FMN1: variants seen among roughly 807,000 people sequenced by gnomAD.
The protein encoded by FMN1 is formin-1.
FMN1 carries 110 observed loss-of-function variants against 132.4 expected under a neutral mutation model. The observed-to-expected ratio is 0.83, with a 90% CI of 0.71 to 0.97. FMN1 has a LOEUF of 0.97. FMN1 is among the 50% of genes least tolerant of loss of function. The pLI is 0.00. For missense variants in FMN1, 1,792 were observed against 1,705.3 expected, an observed-to-expected ratio of 1.05 and a Z score of -0.90; for synonymous variants, 722 against 651.7, an observed-to-expected ratio of 1.11 and a Z score of -1.64.
At chr15:32,938,477 C>A (rs766063218) in intron 9 of FMN1, among the ~76,000 whole-genome samples, 2 of 152,082 alleles carry the variant, frequency 1.3e-5, no homozygotes, top group Non-Finnish European at 2.9e-5. Flanking sequence ...TGCAGTGAGC[C>A]AAGATCAAGC....
intron 16 of FMN1, among the ~76,000 whole-genome samples, chr15:32,881,087 ATATTTTGT>A (rs2059758470): frequency 2.0e-5 from 2 of 100,370 alleles, no homozygotes; most frequent in Non-Finnish European, 4.6e-5. Flanking sequence ...TATTTTTTGT[ATATTTTGT>A]ATATTAATCA....
At chr15:32,941,709 C>A (rs947411844) in intron 9 of FMN1, among the ~76,000 whole-genome samples, 6 of 152,132 alleles carry the variant, frequency 3.9e-5, no homozygotes, top group Non-Finnish European at 8.8e-5. Flanking sequence ...ATGTTTGGCT[C>A]AAATTCCTCA....
chr15:33,039,603 C>T (rs1596529519), intron 6 of FMN1, among the ~76,000 whole-genome samples: 1 of 152,214 alleles, frequency 6.6e-6, no homozygotes, highest in East Asian at 1.9e-4. Flanking sequence ...CTTTTAAGCC[C>T]TACATCTGCC....
chr15:32,987,126 C>CAG (rs1256285936), intron 7 of FMN1, among the ~76,000 whole-genome samples: 1 of 152,026 alleles, frequency 6.6e-6, no homozygotes, highest in Non-Finnish European at 1.5e-5. Context: ...TGTGAAAAGG[C>CAG]AGAGACAGGA....
At chr15:33,089,855 T>C (rs1050178954) in intron 4 of FMN1, among the ~76,000 whole-genome samples, 1 of 152,224 alleles carries the variant, frequency 6.6e-6, no homozygotes, top group Non-Finnish European at 1.5e-5. Context: ...AAAAGGATTT[T>C]ACGGTCAAGT....
At chr15:32,870,294 C>T (rs2059485936) in intron 16 of FMN1, among the ~76,000 whole-genome samples, 1 of 152,152 alleles carries the variant, frequency 6.6e-6, no homozygotes, top group Non-Finnish European at 1.5e-5. Context: ...AGAGGTCTAG[C>T]CCTTTACAGA....
rs764069682 is a variant in FMN1, at chr15:33,177,537, T to C, written c.-132+2661A>G. On this transcript the variant is annotated intron_variant, in intron 3 of 20. Transcript: ENST00000616417. ...GGCCTTTTGTTCTCCCTACTTACAG[T>C]GCAATTCCATAGTCCCCCCTGCAAA... Among the ~76,000 whole-genome samples, 18 of 152,298 alleles carry C rather than the reference T, an allele frequency of 1.2e-4. No homozygotes were observed. In the South Asian group the frequency reaches 3.5e-3, roughly 30 times the overall value.
At chr15:33,068,385 C>T (rs985827556) in intron 5 of FMN1, among the ~76,000 whole-genome samples, 4 of 152,132 alleles carry the variant, frequency 2.6e-5, no homozygotes, top group Non-Finnish European at 5.9e-5. Context: ...AGCCACTGCC[C>T]AGAGCAGCCT....
At chr15:32,878,996 T>C (rs1057074824) in intron 16 of FMN1, among the ~76,000 whole-genome samples, 1 of 152,160 alleles carries the variant, frequency 6.6e-6, no homozygotes, top group Non-Finnish European at 1.5e-5. Context: ...ACTTCTTCCA[T>C]TAATTAAACG....
intron 17 of FMN1, among the ~76,000 whole-genome samples, chr15:32,821,597 G>A (rs775520841): frequency 2.0e-5 from 3 of 151,440 alleles, no homozygotes; most frequent in African/African-American, 4.9e-5. Flanking sequence ...GACTACAGGC[G>A]CCCGCCACCA....
At chr15:33,127,570 A>T in intron 4 of FMN1, among the ~76,000 whole-genome samples, 1 of 152,252 alleles carries the variant, frequency 6.6e-6, no homozygotes, top group East Asian at 1.9e-4. Context: ...TAAAACAGAA[A>T]CCAGTCTGTA....
chr15:33,130,197 TTGCCC>T (rs1963479534), intron 4 of FMN1, among the ~76,000 whole-genome samples: 2 of 152,228 alleles, frequency 1.3e-5, no homozygotes, highest in African/African-American at 4.8e-5. Flanking sequence ...CCAGTTAAGA[TTGCCC>T]TGCTAGCATT....
At chr15:33,083,088 A>T (rs1288564751) in intron 5 of FMN1, among the ~76,000 whole-genome samples, 1 of 152,128 alleles carries the variant, frequency 6.6e-6, no homozygotes, top group Non-Finnish European at 1.5e-5. Flanking sequence ...TAGCATCTAC[A>T]CCAAAGTACC....
In FMN1 at chr15:33,154,410, A is replaced by T. The variant is rs201093149; in HGVS notation, c.505T>A (p.Phe169Ile). Residue 169 changes from phenylalanine to isoleucine, a missense_variant, in exon 4 of 21, where the codon TTT (phenylalanine) becomes ATT (isoleucine). Physicochemically the swap from Phe to Ile is conservative, Grantham distance 21. Coordinates refer to ENST00000616417, the MANE Select transcript of FMN1 (RefSeq NM_001277313.2). ...GTCCTCTTCTGTGGAAGGGCCCCAA[A>T]GCTCTCTCTCCTTCCACTAGACCTC... ...PRRSSGRRES[F>I]GALPQKRTKR... 1 of 1,535,952 alleles carries T rather than the reference A, an allele frequency of 6.5e-7. No individual in the cohort carries two copies.
intron 4 of FMN1, among the ~76,000 whole-genome samples, chr15:33,128,584 G>C (rs763362573): frequency 1.3e-5 from 2 of 152,182 alleles, no homozygotes; most frequent in Non-Finnish European, 2.9e-5. Flanking sequence ...ATGCGTTCGT[G>C]GTCTAACTTC....
intron 9 of FMN1, among the ~76,000 whole-genome samples, chr15:32,949,970 C>CACATATATATAT (rs1555503145): frequency 4.6e-4 from 4 of 8,734 alleles, no homozygotes; most frequent in Non-Finnish European, 1.0e-3. Flanking sequence ...TATATACACA[C>CACATATATATAT]ATATATATAC....
chr15:32,888,787 GC>G (rs926584227), intron 15 of FMN1, among the ~76,000 whole-genome samples: 1 of 151,738 alleles, frequency 6.6e-6, no homozygotes, highest in African/African-American at 2.4e-5. Flanking sequence ...TTTCTCTGTG[GC>G]TTAAAGCTCT....
rs138652345 is a variant in FMN1, at chr15:32,789,135, A to G, written c.4130+9669T>C. On this transcript the variant is annotated intron_variant, in intron 19 of 20. Transcript: ENST00000616417. ...AATACTAACTCAGCATCTACTATAT[A>G]TATGGAAAAACAAGGTGCTACAGAG... 1.2e-4 allele frequency among the ~76,000 whole-genome samples: 18 copies of G among 152,312 alleles called. No homozygotes were observed. In the East Asian group the frequency reaches 3.5e-3, roughly 29 times the overall value.
intron 9 of FMN1, among the ~76,000 whole-genome samples, chr15:32,940,625 C>G (rs1428974080): frequency 6.6e-6 from 1 of 152,134 alleles, no homozygotes; most frequent in Non-Finnish European, 1.5e-5. Context: ...CAATCTTTAT[C>G]CACGTAACTC....
Sources: gnomAD v4.1 joint callset for allele counts (sites outside exome capture counted in the v4.1 genomes callset) on GRCh38, gnomAD v4.1.1 for gene constraint, MANE v1.5 for transcripts, NCBI Gene and HGNC (gene_info 2026-07-23, HGNC 2026-07-21) for gene names.